UBE3A: variants seen among roughly 807,000 people sequenced by gnomAD.
UBE3A encodes ubiquitin-protein ligase E3A.
Under a neutral mutation model 83.4 loss-of-function variants are expected in UBE3A, and 6 were observed. The ratio of observed to expected loss-of-function variants is 0.07; its 90% CI spans 0.04 to 0.14. UBE3A has a LOEUF of 0.14. Among genes scored for constraint, UBE3A ranks in the 10% least tolerant of loss-of-function variants. The pLI, the probability that UBE3A is intolerant of heterozygous loss-of-function variation, is 1.00. For synonymous variants in UBE3A, 337 were observed against 355.4 expected (o/e 0.95, Z 0.58); for missense variants, 456 against 1,036.1 (o/e 0.44, Z 7.69).
chr15:25,429,474 G>A (rs185666955), intron 1 of UBE3A, among the ~76,000 whole-genome samples: 1 of 152,188 alleles, frequency 6.6e-6, no homozygotes, highest in East Asian at 1.9e-4. Flanking sequence ...TAATGTCCAA[G>A]CTGATAATTA....
At chr15:25,421,824 T>G (rs1033327204) in intron 1 of UBE3A, 1 of 152,174 alleles carries the variant, frequency 6.6e-6, no homozygotes, top group African/African-American at 2.4e-5. Context: ...TGCTGACATT[T>G]GGAGAACTGG....
intron 1 of UBE3A, among the ~76,000 whole-genome samples, chr15:25,435,015 C>G (rs1374420801): frequency 9.9e-6 from 1 of 100,602 alleles, no homozygotes; most frequent in Non-Finnish European, 2.0e-5. Context: ...CACACACACA[C>G]ACACAAATAC....
intron 9 of UBE3A, among the ~76,000 whole-genome samples, 172 bp from the exon 10 acceptor site, chr15:25,354,855 C>T (rs1473753757): frequency 1.3e-5 from 2 of 151,644 alleles, no homozygotes; most frequent in Non-Finnish European, 2.9e-5. Context: ...CTGTTATAGC[C>T]AATATTAAGC....
chr15:25,370,982 T>G lies in UBE3A; in HGVS notation c.1192A>C (p.Ile398Leu), dbSNP rs200380619. 1.9e-6 allele frequency: 3 copies of G among 1,614,014 alleles called. No homozygotes were observed. Among genetic ancestry groups the G allele is most frequent in the Non-Finnish European group, 2.5e-6 (3 of 1,180,004 alleles). ...AGTGTCAGCTCGCTGGACTCAGGGA[T>G]GGGCTCTTCATCATCTTCTTCATTG... ...NHNEEDDEEPIPESSELTLQE... is the reference protein window; with the variant it reads ...NHNEEDDEEPLPESSELTLQE... The change falls in exon 6 of 13, where the codon ATC becomes CTC. Residue 398 changes from isoleucine (I) to leucine (L), a missense_variant. Physicochemically the swap from Ile to Leu is conservative, Grantham distance 5 (BLOSUM62 2). Around this residue, in one of 13 missense-constraint regions of UBE3A, gnomAD observed 85 missense variants for 137.0 expected, o/e 0.62. Transcript: ENST00000648336. This position sits in a 1 kb window ranked among gnomAD's most constrained non-coding sequence, Gnocchi z 4.2.
intron 4 of UBE3A, among the ~76,000 whole-genome samples, chr15:25,395,797 A>T (rs1208536332): frequency 1.3e-5 from 2 of 152,196 alleles, no homozygotes; most frequent in Non-Finnish European, 2.9e-5. Flanking sequence ...ATTAAAACTA[A>T]CTTGCTTTAC....
At chr15:25,389,229 A>G (rs1273824149) in intron 4 of UBE3A, among the ~76,000 whole-genome samples, 3 of 148,070 alleles carry the variant, frequency 2.0e-5, no homozygotes, top group Non-Finnish European at 4.5e-5. Context: ...GTCTTTTTCA[A>G]TAAACAGTGG....
At chr15:25,376,768 A>ATATTTAAT (rs1566980475) in intron 4 of UBE3A, among the ~76,000 whole-genome samples, 12 of 152,096 alleles carry the variant, frequency 7.9e-5, no homozygotes, top group African/African-American at 2.9e-4. Flanking sequence ...GAATATTTTA[A>ATATTTAAT]GTTCCATCAC....
chr15:25,367,255 T>G (rs866475686), intron 6 of UBE3A, among the ~76,000 whole-genome samples: 1 of 79,468 alleles, frequency 1.3e-5, no homozygotes, highest in East Asian at 5.8e-4. Flanking sequence ...ATTTGCATAT[T>G]TGTAAATATG....
intron 6 of UBE3A, among the ~76,000 whole-genome samples, chr15:25,361,160 C>CT (rs1462124286): frequency 7.0e-6 from 1 of 143,338 alleles, no homozygotes; most frequent in African/African-American, 2.6e-5. Context: ...AAATCTCACT[C>CT]TGTCGCCTAG....
chr15:25,384,274 A>G (rs1034987341), intron 4 of UBE3A, among the ~76,000 whole-genome samples: 2 of 152,086 alleles, frequency 1.3e-5, no homozygotes, highest in Non-Finnish European at 2.9e-5. Flanking sequence ...CCTGGCCAAC[A>G]TGGTGAAACC....
rs181029718 is a variant in UBE3A at position 25,423,087 on chromosome 15, T to C, written c.-164-11116A>G. On this transcript the variant is annotated intron_variant, in intron 1 of 12. Transcript: ENST00000648336. ...TAAAAGATGGACAGATTTGCCTACATAAAAACTTTAAAATTTCACATGACT... is the reference window on the plus strand; with the variant it reads ...TAAAAGATGGACAGATTTGCCTACACAAAAACTTTAAAATTTCACATGACT... Among the ~76,000 whole-genome samples, 355 of 152,052 alleles carry C rather than the reference T, an allele frequency of 2.3e-3. 2 individuals carry two copies. Among genetic ancestry groups the C allele is most frequent in the African/African-American group, 7.8e-3 (324 of 41,480 alleles).
chr15:25,405,572 T>C, intron 3 of UBE3A, 70 bp from the exon 4 acceptor site: 1 of 1,495,494 alleles, frequency 6.7e-7, no homozygotes, highest in Admixed American at 1.7e-5. Context: ...GACATATTAC[T>C]TAGGAAGACA....
intron 4 of UBE3A, among the ~76,000 whole-genome samples, chr15:25,396,712 C>G (rs573456941): frequency 1.3e-5 from 2 of 152,236 alleles, no homozygotes; most frequent in African/African-American, 4.8e-5. Flanking sequence ...TGGGTTATTG[C>G]ATTAGTTCTG....
At chr15:25,359,548 T>C (rs967160052) in intron 7 of UBE3A, among the ~76,000 whole-genome samples, 5 of 151,236 alleles carry the variant, frequency 3.3e-5, no homozygotes, top group East Asian at 2.0e-4. Flanking sequence ...GGAAATGACA[T>C]ACATTATTCT....
intron 11 of UBE3A, among the ~76,000 whole-genome samples, chr15:25,343,378 C>G (rs2075182297): frequency 6.6e-6 from 1 of 151,874 alleles, no homozygotes; most frequent in Non-Finnish European, 1.5e-5. Flanking sequence ...AGACAGACCA[C>G]CAGTGATGAG....
intron 4 of UBE3A, among the ~76,000 whole-genome samples, chr15:25,376,634 T>G (rs1194389608): frequency 4.6e-5 from 7 of 152,078 alleles, no homozygotes; most frequent in Admixed American, 1.3e-4. Flanking sequence ...AGAGCTAGAC[T>G]TTGTCTCAAA....
intron 1 of UBE3A, among the ~76,000 whole-genome samples, chr15:25,429,728 G>A (rs1232175978): frequency 6.6e-6 from 1 of 151,868 alleles, no homozygotes; most frequent in Non-Finnish European, 1.5e-5. Flanking sequence ...TAATAGGATT[G>A]GTGTGGTGGC....
chr15:25,436,603 G>A (rs1247067421), intron 1 of UBE3A, among the ~76,000 whole-genome samples: 1 of 152,124 alleles, frequency 6.6e-6, no homozygotes, highest in Non-Finnish European at 1.5e-5. Flanking sequence ...ATTATCTAAA[G>A]TTTAAGAAAT....
intron 1 of UBE3A, among the ~76,000 whole-genome samples, chr15:25,414,926 A>AT (rs1298017675): frequency 6.6e-6 from 1 of 152,206 alleles, no homozygotes; most frequent in African/African-American, 2.4e-5. Flanking sequence ...ATTTGCTTTT[A>AT]TACTTCCAGT....
Sources: allele counts gnomAD v4.1 joint callset (sites outside exome capture counted in the v4.1 genomes callset), GRCh38; gene constraint gnomAD v4.1.1; regional missense constraint gnomAD v4.1.1; non-coding constraint Gnocchi (gnomAD v3.1); transcripts MANE v1.5; gene names NCBI Gene and HGNC (gene_info 2026-07-23, HGNC 2026-07-21).